INPP5B: variants seen among roughly 807,000 people sequenced by gnomAD.
INPP5B encodes inositol polyphosphate-5-phosphatase B, also known as type II inositol 1,4,5-trisphosphate 5-phosphatase.
A neutral mutation model predicts 118.5 loss-of-function variants in INPP5B; 90 were observed. The ratio of observed to expected loss-of-function variants is 0.76; its 90% CI spans 0.64 to 0.90. The LOEUF is 0.90. Among genes scored for constraint, INPP5B ranks in the 40% least tolerant of loss-of-function variants. The pLI is 0.00. For synonymous variants in INPP5B, 385 were observed against 418.9 expected, an observed-to-expected ratio of 0.92 and a Z score of 0.99; for missense variants, 984 against 1,125.6, an observed-to-expected ratio of 0.87 and a Z score of 1.80.
rs757900151 is a variant in INPP5B at position 37,931,952 on chromosome 1, C to A, written c.493G>T (p.Ala165Ser). The A allele has an allele frequency of 6.2e-6, 10 of 1,614,102 alleles. No homozygotes were observed. The South Asian group carries it at 9.9e-5, about 16-fold the overall frequency. The change falls in exon 7 of 24, where the codon GCC (alanine) becomes TCC (serine). Residue 165 changes from alanine to serine, a missense_variant. This residue lies in a region of INPP5B where 350 missense variants were observed against 334.6 expected (regional missense o/e 1.05). Coordinates refer to ENST00000373024, the MANE Select transcript of INPP5B (RefSeq NM_005540.3). ...GCGTACCCTGGCCAGGTAACTAGGG[C>A]CGAGTTACAACCGCGCGGCGTTGGC... is the stretch of plus-strand genomic sequence containing the variant. Reference protein sequence around the residue: ...EMPTPRGCNSALVTWPGYATI... With the variant: ...EMPTPRGCNSSLVTWPGYATI...
At chr1:37,931,835 C>G in intron 7 of INPP5B, 78 bp downstream of exon 7, 1 of 1,611,092 alleles carries the variant, frequency 6.2e-7, no homozygotes, top group Non-Finnish European at 8.5e-7. Context: ...ATCGCTCCGC[C>G]CCAAAACAGA....
At chr1:37,931,462 C>T in intron 7 of INPP5B, 1 of 1,531,786 alleles carries the variant, frequency 6.5e-7, no homozygotes. Context: ...CCCAAGTACC[C>T]CATTCCCACC....
At chr1:37,888,394 C>T in intron 9 of INPP5B, 50 bp from the exon 10 acceptor site, 2 of 1,150,382 alleles carry the variant, frequency 1.7e-6, no homozygotes, top group South Asian at 1.8e-5. Context: ...ATGGAGATAA[C>T]AGGAGAAAGC....
At chr1:37,917,958 T>C (rs1644931503) in intron 7 of INPP5B, among the ~76,000 whole-genome samples, 4 of 152,142 alleles carry the variant, frequency 2.6e-5, no homozygotes, top group African/African-American at 9.7e-5. Flanking sequence ...CTACAAGACG[T>C]TCTGTATGCA....
Position 37,888,362 on chromosome 1 carries a change from T to A in INPP5B, c.798-18A>T. On this transcript the variant is annotated intron_variant, in intron 9 of 23. Coordinates refer to ENST00000373024, the MANE Select transcript of INPP5B (RefSeq NM_005540.3). ...CAAAAAACCTGTCACCAAAGAGAAA[T>A]AATTAGTGACTCCGAATCACTATGG... The A allele has an allele frequency of 6.8e-7, 1 of 1,468,126 alleles. No individual in the cohort carries two copies. Among genetic ancestry groups the A allele is most frequent in the Non-Finnish European group, 9.2e-7 (1 of 1,087,542 alleles). 90.9% of individuals were successfully genotyped at this position (1,468,126 alleles called of 1,614,324 possible).
In INPP5B at chr1:37,913,853, G is replaced by A. The variant is rs1053293396; in HGVS notation, c.532+18060C>T. 2.6e-5 allele frequency among the ~76,000 whole-genome samples: 4 copies of A among 152,090 alleles called. 1 individual carries two copies. The East Asian group carries it at 7.7e-4, about 29-fold the overall frequency. On this transcript the variant is annotated intron_variant, in intron 7 of 23. Coordinates refer to ENST00000373024, the MANE Select transcript of INPP5B (RefSeq NM_005540.3). ...TGACCTGCATGTATACATCCAGATG[G>A]CCTGAAGCAACTGAAGATCCACAAA...
chr1:37,937,664 C>T (rs1234702256), intron 6 of INPP5B, among the ~76,000 whole-genome samples: 2 of 150,764 alleles, frequency 1.3e-5, no homozygotes, highest in African/African-American at 4.9e-5. Flanking sequence ...CTACTCGGGA[C>T]GCTGAGGCAG....
chr1:37,928,637 G>A (rs1645333360), intron 7 of INPP5B: 1 of 152,192 alleles, frequency 6.6e-6, no homozygotes, highest in South Asian at 2.1e-4. Flanking sequence ...TGGGATTACA[G>A]GCATAAGCCA....
chr1:37,891,242 A>AAT, intron 8 of INPP5B, 116 bp downstream of exon 8: 1 of 636,690 alleles, frequency 1.6e-6, no homozygotes, highest in Non-Finnish European at 2.7e-6. Flanking sequence ...AAAAAAAAAA[A>AAT]GGACACTTCC....
intron 20 of INPP5B, among the ~76,000 whole-genome samples, chr1:37,867,917 G>A (rs1004208967): frequency 1.3e-5 from 2 of 152,160 alleles, no homozygotes; most frequent in African/African-American, 4.8e-5. Context: ...CATCCTGAGA[G>A]GCCTCCAGGC....
chr1:37,879,921 C>T (rs1450133120), intron 15 of INPP5B, among the ~76,000 whole-genome samples, 164 bp downstream of exon 15: 4 of 152,150 alleles, frequency 2.6e-5, no homozygotes, highest in African/African-American at 9.7e-5. Context: ...GGAAAGAAGC[C>T]TGCTTCATGA....
chr1:37,943,754 GC>G, intron 4 of INPP5B, 41 bp downstream of exon 4: 1 of 1,609,844 alleles, frequency 6.2e-7, no homozygotes. Flanking sequence ...GAGCTGGGGG[GC>G]CCATAGGAGA....
intron 7 of INPP5B, among the ~76,000 whole-genome samples, chr1:37,916,308 G>A (rs1403691293): frequency 6.6e-6 from 1 of 151,806 alleles, no homozygotes; most frequent in African/African-American, 2.4e-5. Flanking sequence ...TGCCCAGTCT[G>A]GTCTCGAACT....
At chr1:37,931,752 GTCCCGCGCGC>G in intron 7 of INPP5B, 151 bp downstream of exon 7, 1 of 1,600,316 alleles carries the variant, frequency 6.2e-7, no homozygotes, top group Non-Finnish European at 8.5e-7. Context: ...CCCGCCGCCC[GTCCCGCGCGC>G]TCCGCCCCCA....
chr1:37,927,053 C>A (rs1645256943), intron 7 of INPP5B, among the ~76,000 whole-genome samples: 1 of 152,100 alleles, frequency 6.6e-6, no homozygotes, highest in Non-Finnish European at 1.5e-5. Context: ...CTTTGGGAGG[C>A]CCAGGCGGGC....
chr1:37,928,048 G>T (rs1279218883), intron 7 of INPP5B, among the ~76,000 whole-genome samples: 2 of 152,124 alleles, frequency 1.3e-5, no homozygotes, highest in Non-Finnish European at 2.9e-5. Flanking sequence ...CACGCTACAA[G>T]GAACACTGTC....
rs1234105677 is a variant in INPP5B, at chr1:37,907,697, G to C, written c.533-16243C>G. The stretch of plus-strand genomic sequence containing the variant: ...ACCCACCAAACCAAGATGGCCATGA[G>C]AGTGACCCACCTCGTCCTCATTGCT... On this transcript the variant is annotated intron_variant, in intron 7 of 23. Transcript: ENST00000373024. The surrounding 1 kb of genome is among the most constrained non-coding windows in gnomAD (Gnocchi z 4.3). Among the ~76,000 whole-genome samples the C allele has an allele frequency of 6.6e-6, 1 of 152,168 alleles. No homozygotes were observed. Among genetic ancestry groups the C allele is most frequent in the Admixed American group, 6.5e-5 (1 of 15,274 alleles).
intron 7 of INPP5B, among the ~76,000 whole-genome samples, chr1:37,904,770 G>A (rs1334985925): frequency 2.6e-5 from 4 of 151,678 alleles, no homozygotes; most frequent in Non-Finnish European, 5.9e-5. Flanking sequence ...CCAGCTACTC[G>A]GGAGGCTGAG....
At chr1:37,943,754 G>A (rs779338566) in intron 4 of INPP5B, 42 bp downstream of exon 4, 2 of 1,609,844 alleles carry the variant, frequency 1.2e-6, no homozygotes, top group Admixed American at 1.7e-5. Context: ...GAGCTGGGGG[G>A]CCCATAGGAG....
Sources: allele counts gnomAD v4.1 joint callset (sites outside exome capture counted in the v4.1 genomes callset), GRCh38; gene constraint gnomAD v4.1.1; regional missense constraint gnomAD v4.1.1; non-coding constraint Gnocchi (gnomAD v3.1); transcripts MANE v1.5; gene names NCBI Gene and HGNC (gene_info 2026-07-23, HGNC 2026-07-21).